MED12L: variants seen among roughly 807,000 people sequenced by gnomAD.
MED12L encodes the protein mediator complex subunit 12L, also known as mediator of RNA polymerase II transcription subunit 12-like protein.
A neutral mutation model predicts 281.3 loss-of-function variants in MED12L; 60 were observed. The ratio of observed to expected loss-of-function variants is 0.21; its 90% CI spans 0.17 to 0.26. The LOEUF (loss-of-function observed/expected upper bound fraction) is 0.26. MED12L is among the 10% of genes least tolerant of loss of function. The pLI is 1.00. For missense variants in MED12L, 2,146 were observed against 2,680.9 expected (o/e 0.80, Z 4.41); for synonymous variants, 974 against 987.2 (o/e 0.99, Z 0.25).
chr3:151,193,264 G>A (rs1374779853), intron 15 of MED12L, among the ~76,000 whole-genome samples: 2 of 152,102 alleles, frequency 1.3e-5, no homozygotes, highest in East Asian at 3.9e-4. Context: ...TATGTGTGTG[G>A]TTGTCATTTT....
chr3:151,107,048 G>A (rs1427164613), intron 2 of MED12L, among the ~76,000 whole-genome samples: 1 of 148,836 alleles, frequency 6.7e-6, no homozygotes, highest in Non-Finnish European at 1.5e-5. Flanking sequence ...TGATATGGTT[G>A]GCTTTGGGTC....
intron 9 of MED12L, among the ~76,000 whole-genome samples, chr3:151,164,911 G>T (rs1300423543): frequency 6.6e-6 from 1 of 152,014 alleles, no homozygotes; most frequent in Non-Finnish European, 1.5e-5. Flanking sequence ...TAAACGATGA[G>T]TTAATGGGTG....
At chr3:151,089,842 A>G (rs1010644185) in intron 2 of MED12L, among the ~76,000 whole-genome samples, 4 of 152,180 alleles carry the variant, frequency 2.6e-5, no homozygotes, top group African/African-American at 9.7e-5. Context: ...AAAGCAGGGA[A>G]TCAGAAAACT....
intron 43 of MED12L, among the ~76,000 whole-genome samples, 193 bp downstream of exon 43, chr3:151,416,615 T>C (rs1717585490): frequency 6.6e-6 from 1 of 152,238 alleles, no homozygotes; most frequent in Non-Finnish European, 1.5e-5. Flanking sequence ...CAAGTAAATA[T>C]TTGGGATTCA....
At chr3:151,273,852 T>C (rs1741420952) in intron 16 of MED12L, among the ~76,000 whole-genome samples, 1 of 152,228 alleles carries the variant, frequency 6.6e-6, no homozygotes, top group South Asian at 2.1e-4. Flanking sequence ...CAGACTGTTG[T>C]TTTCAAATCA....
Position 151,252,776 on chromosome 3 carries a change from T to C in MED12L, c.2250+59110T>C, listed in dbSNP as rs949517248. ...TGTTCATATGTAATCTACTAACTTA[T>C]CTACTAACTAGATAAGTTCTAGAAC... is the stretch of plus-strand genomic sequence containing the variant. On this transcript the variant is annotated intron_variant, in intron 16 of 44. Transcript: ENST00000687756. 5.3e-5 allele frequency among the ~76,000 whole-genome samples: 8 copies of C among 152,288 alleles called. No homozygotes were observed. In the South Asian group the frequency reaches 6.2e-4, roughly 12 times the overall value.
chr3:151,299,048 A>G (rs1745504215), intron 16 of MED12L, among the ~76,000 whole-genome samples: 1 of 152,234 alleles, frequency 6.6e-6, no homozygotes, highest in Non-Finnish European at 1.5e-5. Context: ...TGACTACAGT[A>G]TCTAGTACTT....
chr3:151,120,364 C>T (rs1310769624), intron 3 of MED12L, among the ~76,000 whole-genome samples: 2 of 152,184 alleles, frequency 1.3e-5, no homozygotes, highest in East Asian at 3.8e-4. Flanking sequence ...ATTATACAGT[C>T]TGAATTCTGG....
chr3:151,382,630 A>G, intron 32 of MED12L, 26 bp from the exon 33 acceptor site: 2 of 1,561,176 alleles, frequency 1.3e-6, no homozygotes, highest in Non-Finnish European at 1.8e-6. Context: ...TTAAACTTTA[A>G]TGGGGAGTTT....
chr3:151,124,623 G>A (rs1050665865), intron 4 of MED12L, among the ~76,000 whole-genome samples: 7 of 152,144 alleles, frequency 4.6e-5, no homozygotes, highest in Admixed American at 2.6e-4. Flanking sequence ...TTGAAAGCCT[G>A]GGTTTACTTG....
At chr3:151,352,193 A>G (rs1436762870) in intron 17 of MED12L, among the ~76,000 whole-genome samples, 5 of 152,216 alleles carry the variant, frequency 3.3e-5, no homozygotes, top group Non-Finnish European at 5.9e-5. Context: ...TTGTGTGTCT[A>G]CATTTTGACT....
intron 16 of MED12L, among the ~76,000 whole-genome samples, chr3:151,313,696 T>C (rs1747848037): frequency 6.6e-6 from 1 of 151,982 alleles, no homozygotes; most frequent in Admixed American, 6.6e-5. Flanking sequence ...ATACAAAAAT[T>C]AGCTGGGCAT....
In MED12L at chr3:151,127,827, T is replaced by G. The variant is rs1714758206; in HGVS notation, c.399T>G (p.Val133=). ...NKPLSILAKK[V]PILSKKEDVF... ...TATACTATGTTGTTTCTTTTTAGGTTCCTATCCTTAGTAAAAAAGAGGATG... is the reference window on the plus strand; with the variant it reads ...TATACTATGTTGTTTCTTTTTAGGTGCCTATCCTTAGTAAAAAAGAGGATG... Residue 133 remains valine (V), a splice_region_variant and synonymous_variant, in exon 5 of 45, where the codon GTT becomes GTG. Coordinates refer to ENST00000687756, the MANE Select transcript of MED12L (RefSeq NM_001393769.1). 2 of 1,598,728 alleles carry G rather than the reference T, an allele frequency of 1.3e-6. No individual in the cohort carries two copies. The highest frequency in any genetic ancestry group is 1.7e-6 in the Non-Finnish European group (2 of 1,166,512).
In MED12L at chr3:151,161,166, G is replaced by C. The variant is rs555074694; in HGVS notation, c.1107+1065G>C. ...GGCCACAGTAGAGGGAAGATTGGTG[G>C]GAGTGGGGAGGTAGGAAAGGAGGCT... On this transcript the variant is annotated intron_variant, in intron 8 of 44. Transcript: ENST00000687756. Among the ~76,000 whole-genome samples, 8 of 152,284 alleles carry C rather than the reference G, an allele frequency of 5.3e-5. No individual in the cohort carries two copies. The South Asian group carries it at 1.7e-3, about 32-fold the overall frequency.
In MED12L at chr3:151,377,003, G is replaced by A. The variant is rs1365517946; in HGVS notation, c.4141G>A (p.Val1381Met). 4 of 1,613,784 alleles carry A rather than the reference G, an allele frequency of 2.5e-6. No individual in the cohort carries two copies. Among genetic ancestry groups the A allele is most frequent in the East Asian group, 2.2e-5 (1 of 44,856 alleles). ...QCLKDPGSGSVAEMNNLLDNI... is the reference protein window; with the variant it reads ...QCLKDPGSGSMAEMNNLLDNI... ...TATCTAACTCTAGGGCTCTGGTTCT[G>A]TGGCCGAAATGAACAACTTACTGGA... Residue 1381 changes from valine (V) to methionine (M), a missense_variant, in exon 30 of 45, where the codon GTG (valine) becomes ATG (methionine). Transcript: ENST00000687756.
chr3:151,372,918 G>C lies in MED12L; in HGVS notation c.3864+152G>C, dbSNP rs1429664000. On this transcript the variant is annotated intron_variant, in intron 27 of 44. Transcript: ENST00000687756. ...TTTTAAGTTTGCTGAAAAGTTGCAA[G>C]AATTATTTTTAAAAAACTCATGTCC... 3 of 604,256 alleles carry C rather than the reference G, an allele frequency of 5.0e-6. No homozygotes were observed. In the African/African-American group the frequency reaches 5.6e-5, roughly 11 times the overall value. The allele number at this position is 604,256 out of a possible 1,614,324, so 37.4% of individuals were successfully genotyped here. A position where few individuals can be genotyped will look rare whatever the true frequency, so the allele number is the denominator to read the frequency against.
intron 39 of MED12L, among the ~76,000 whole-genome samples, chr3:151,401,385 G>C (rs1715661302): frequency 6.6e-6 from 1 of 151,780 alleles, no homozygotes; most frequent in African/African-American, 2.4e-5. Context: ...AATGCTGATT[G>C]ATTTTGAAAG....
chr3:151,406,561 A>G (rs1451754931), intron 39 of MED12L, among the ~76,000 whole-genome samples: 4 of 152,174 alleles, frequency 2.6e-5, no homozygotes, highest in African/African-American at 4.8e-5. Context: ...CTTAAGTAGT[A>G]TGTTGGGACA....
At chr3:151,104,027 G>A (rs778316335) in intron 2 of MED12L, among the ~76,000 whole-genome samples, 11 of 152,124 alleles carry the variant, frequency 7.2e-5, no homozygotes, top group Non-Finnish European at 1.2e-4. Context: ...CTTTTTGCCT[G>A]CTCTAGGTAC....
Sources: allele counts gnomAD v4.1 joint callset (sites outside exome capture counted in the v4.1 genomes callset), GRCh38; gene constraint gnomAD v4.1.1; transcripts MANE v1.5; gene names NCBI Gene and HGNC (gene_info 2026-07-23, HGNC 2026-07-21).